ADCY3: variants seen among roughly 807,000 people sequenced by gnomAD.
ADCY3 encodes adenylate cyclase type 3.
A neutral mutation model predicts 119.4 loss-of-function variants in ADCY3; 70 were observed. The observed-to-expected ratio is 0.59, with a 90% confidence interval of 0.48 to 0.72. ADCY3 has a LOEUF of 0.72. Ranked by LOEUF, ADCY3 falls within the 30% of genes least tolerant of loss-of-function variation. The pLI is 0.00. For synonymous variants in ADCY3, 672 were observed against 621.4 expected, an observed-to-expected ratio of 1.08 and a Z score of -1.21; for missense variants, 1,238 against 1,541.6, an observed-to-expected ratio of 0.80 and a Z score of 3.30.
Position 24,827,934 on chromosome 2 carries a change from A to C in ADCY3, c.2400T>G (p.Asp800Glu). The C allele has an allele frequency of 2.5e-6, 4 of 1,614,224 alleles. No individual in the cohort carries two copies. Among genetic ancestry groups the C allele is most frequent in the Non-Finnish European group, 3.4e-6 (4 of 1,180,038 alleles). The change falls in exon 14 of 22, where the codon GAT becomes GAG. Residue 800 changes from aspartate (D) to glutamate (E), a missense_variant. Coordinates refer to ENST00000679454, the MANE Select transcript of ADCY3 (RefSeq NM_004036.5). ...INLYAWRPVF[D>E]EYDHKRFREH... ...CCCGAAAACGCTTGTGGTCGTATTC[A>C]TCAAAGACGGGACGCCAGGCATAGA...
chr2:24,864,623 G>A (rs892498534), intron 3 of ADCY3, among the ~76,000 whole-genome samples: 1 of 152,164 alleles, frequency 6.6e-6, no homozygotes, highest in Non-Finnish European at 1.5e-5. Context: ...GTCAAAAAGG[G>A]ACAAATACAT....
At chr2:24,874,627 T>C (rs2148828155) in intron 2 of ADCY3, among the ~76,000 whole-genome samples, 1 of 152,238 alleles carries the variant, frequency 6.6e-6, no homozygotes, top group East Asian at 1.9e-4. Flanking sequence ...CTGGCCTTGC[T>C]TTTCCCCTTG....
rs1209418900 is a variant in ADCY3 at position 24,819,774 on chromosome 2, C to G, written c.*158G>C. The G allele has an allele frequency of 2.6e-6, 2 of 762,524 alleles. No homozygotes were observed. The highest frequency in any genetic ancestry group is 4.2e-6 in the Non-Finnish European group (2 of 473,986). The allele number at this position is 762,524 out of a possible 1,614,324, so 47.2% of individuals were successfully genotyped here. ...GCACACACAGGAATAGCAGGGCCAC[C>G]CTCAGAGCTCACACATCCACGAACA... On this transcript the variant is annotated 3_prime_UTR_variant, in exon 22 of 22. Transcript: ENST00000679454.
chr2:24,904,049 C>T (rs564232380), intron 2 of ADCY3, among the ~76,000 whole-genome samples: 43 of 152,072 alleles, frequency 2.8e-4, no homozygotes, highest in Non-Finnish European at 5.1e-4. Flanking sequence ...CAACTCTTCA[C>T]GCATTCCTCC....
chr2:24,820,783 C>T lies in ADCY3; in HGVS notation c.3193G>A (p.Gly1065Ser). 6.2e-7 allele frequency: 1 copy of T among 1,614,074 alleles called. No individual in the cohort carries two copies. The highest frequency in any genetic ancestry group is 8.5e-7 in the Non-Finnish European group (1 of 1,180,002). The change falls in exon 21 of 22, where the codon GGC becomes AGC. Residue 1065 changes from glycine (G) to serine (S), a missense_variant. Around this residue, in one of 7 missense-constraint regions of ADCY3, gnomAD observed 43 missense variants for 77.0 expected, o/e 0.56. Transcript: ENST00000679454. The stretch of plus-strand genomic sequence containing the variant: ...CTGCTGGCTACATTGACTGTATTGC[C>T]CCAGATGTCGTAGTGTGGTTTCCGG... Reference protein sequence around the residue: ...GARKPHYDIWGNTVNVASRME... With the variant: ...GARKPHYDIWSNTVNVASRME...
At position 24,841,420 on chromosome 2, in the gene ADCY3, C is replaced by A; in HGVS notation, c.1069-34G>T. 6.2e-7 allele frequency: 1 copy of A among 1,607,466 alleles called. No homozygotes were observed. The highest frequency in any genetic ancestry group is 8.5e-7 in the Non-Finnish European group (1 of 1,176,704). On this transcript the variant is annotated intron_variant, in intron 5 of 21. Coordinates refer to ENST00000679454, the MANE Select transcript of ADCY3 (RefSeq NM_004036.5). This position sits in a 1 kb window ranked among gnomAD's most constrained non-coding sequence, Gnocchi z 5.8. Reference sequence around the variant, plus strand: ...GGAGGGCCTGGCCTGTGCTCCAGCCCCTCCTCAGTGAGGGAGGAGTGGCCA... The same window carrying A: ...GGAGGGCCTGGCCTGTGCTCCAGCCACTCCTCAGTGAGGGAGGAGTGGCCA...
chr2:24,884,578 C>T (rs1477221749), intron 2 of ADCY3, among the ~76,000 whole-genome samples: 1 of 145,740 alleles, frequency 6.9e-6, no homozygotes, highest in Non-Finnish European at 1.5e-5. Context: ...CAGGTTCAAG[C>T]GATTCTTCTG....
At chr2:24,869,303 A>G (rs952881477) in intron 3 of ADCY3, among the ~76,000 whole-genome samples, 1 of 152,228 alleles carries the variant, frequency 6.6e-6, no homozygotes, top group African/African-American at 2.4e-5. Flanking sequence ...ATATAAAAGG[A>G]AATATAAAAT....
intron 15 of ADCY3, 103 bp downstream of exon 15, chr2:24,827,443 T>C: frequency 6.2e-6 from 8 of 1,292,562 alleles, no homozygotes; most frequent in Non-Finnish European, 8.7e-6. Flanking sequence ...TCAGGTCACG[T>C]GCCTCCCGGG....
intron 2 of ADCY3, among the ~76,000 whole-genome samples, chr2:24,889,121 T>G (rs1677397683): frequency 6.6e-6 from 1 of 152,244 alleles, no homozygotes; most frequent in Non-Finnish European, 1.5e-5. Flanking sequence ...GAGGAAGGAA[T>G]GAAAGCTATT....
At chr2:24,875,110 G>A (rs1675520846) in intron 2 of ADCY3, among the ~76,000 whole-genome samples, 1 of 151,898 alleles carries the variant, frequency 6.6e-6, no homozygotes, top group Non-Finnish European at 1.5e-5. Flanking sequence ...CTATGAGATG[G>A]CCAGGCAAGG....
intron 2 of ADCY3, among the ~76,000 whole-genome samples, chr2:24,904,059 C>A (rs1337220050): frequency 6.6e-6 from 1 of 151,992 alleles, no homozygotes; most frequent in Admixed American, 6.6e-5. Context: ...CGCATTCCTC[C>A]CAAAGACGGA....
intron 3 of ADCY3, among the ~76,000 whole-genome samples, chr2:24,853,348 C>G (rs753789919): frequency 2.2e-4 from 34 of 152,138 alleles, no homozygotes; most frequent in Non-Finnish European, 4.3e-4. Context: ...AGGGCAGCGC[C>G]CAGGGGGCAG....
chr2:24,898,207 C>T lies in ADCY3; in HGVS notation c.675+20106G>A, dbSNP rs777198887. On this transcript the variant is annotated intron_variant, in intron 2 of 21. Transcript: ENST00000679454. This position sits in a 1 kb window ranked among gnomAD's most constrained non-coding sequence, Gnocchi z 4.3. Reference sequence around the variant, plus strand: ...GGATCGAAATCCAACGTGCCCTTCACGGCCCAGCTCAGTACTCCTCCTCCT... The same window carrying T: ...GGATCGAAATCCAACGTGCCCTTCATGGCCCAGCTCAGTACTCCTCCTCCT... 5.4e-4 allele frequency among the ~76,000 whole-genome samples: 82 copies of T among 152,242 alleles called. No homozygotes were observed. Among genetic ancestry groups the T allele is most frequent in the East Asian group, 7.7e-4 (4 of 5,164 alleles).
chr2:24,862,545 C>CA (rs3037308), intron 3 of ADCY3, among the ~76,000 whole-genome samples: 6,571 of 139,304 alleles, frequency 0.047, 286 homozygotes, highest in African/African-American at 0.098. Flanking sequence ...GACTCCGCCT[C>CA]AAAAAAAAAA....
intron 2 of ADCY3, among the ~76,000 whole-genome samples, chr2:24,885,132 C>G (rs921418643): frequency 1.3e-5 from 2 of 152,206 alleles, no homozygotes; most frequent in Admixed American, 6.5e-5. Flanking sequence ...ACTATCACCT[C>G]TCCTAAATTC....
intron 13 of ADCY3, among the ~76,000 whole-genome samples, chr2:24,829,517 T>C (rs1572810629): frequency 7.1e-6 from 1 of 140,996 alleles, no homozygotes; most frequent in African/African-American, 2.7e-5. Flanking sequence ...ACCTCCCGGG[T>C]TCACGCCATT....
rs761425257 is a variant in ADCY3 at position 24,825,338 on chromosome 2, GGGGGGGGGGGTGC to G, written c.2577+694_2577+706del. On this transcript the variant is annotated intron_variant, in intron 16 of 21. Transcript: ENST00000679454. Reference sequence around the variant, plus strand: ...GGTTGAGTGCGGTGGTTGTGGCGGGGGGGGGGGGGGTGCGGGGGGGGTGTCTCACTTTGTCACC... The same window carrying G: ...GGTTGAGTGCGGTGGTTGTGGCGGGGGGGGGGGGTGTCTCACTTTGTCACC... Among the ~76,000 whole-genome samples, 5 of 19,768 alleles carry G rather than the reference GGGGGGGGGGGTGC, an allele frequency of 2.5e-4. No homozygotes were observed. The South Asian group carries it at 0.017, about 65-fold the overall frequency. 13.0% of individuals were successfully genotyped at this position (19,768 alleles called of 152,430 possible). A position where few individuals can be genotyped will look rare whatever the true frequency, so the allele number is the denominator to read the frequency against.
chr2:24,820,563 G>C (rs1030441287), intron 21 of ADCY3, 161 bp downstream of exon 21: 1 of 1,426,660 alleles, frequency 7.0e-7, no homozygotes, highest in Admixed American at 2.6e-5. Context: ...CCTGTGCTGA[G>C]GCTAGCTATT....
Sources: allele counts gnomAD v4.1 joint callset (sites outside exome capture counted in the v4.1 genomes callset), GRCh38; gene constraint gnomAD v4.1.1; regional missense constraint gnomAD v4.1.1; non-coding constraint Gnocchi (gnomAD v3.1); transcripts MANE v1.5; gene names NCBI Gene and HGNC (gene_info 2026-07-23, HGNC 2026-07-21).